Variants in EDNRA observed in about 807,000 individuals in gnomAD.
EDNRA encodes the protein endothelin-1 receptor.
In EDNRA, 11 loss-of-function variants were observed where a neutral mutation model predicts 41.4. That is an observed-to-expected ratio of 0.27 (90% CI 0.17 to 0.44). EDNRA has a LOEUF of 0.44. EDNRA is among the 20% of genes least tolerant of loss of function. The pLI is 1.00. For synonymous variants in EDNRA, 172 were observed against 183.0 expected (o/e 0.94, Z 0.49); for missense variants, 294 against 531.0 (o/e 0.55, Z 4.39).
intron 2 of EDNRA, among the ~76,000 whole-genome samples, chr4:147,497,183 G>A (rs1282221177): frequency 2.1e-5 from 2 of 94,628 alleles, no homozygotes; most frequent in African/African-American, 8.8e-5. Context: ...TTTGTTTAGA[G>A]ATGGGGTCTT....
chr4:147,518,014 T>G (rs1327041621), intron 2 of EDNRA, among the ~76,000 whole-genome samples: 1 of 152,202 alleles, frequency 6.6e-6, no homozygotes, highest in African/African-American at 2.4e-5. Flanking sequence ...AATCCATTCA[T>G]GTGGATTATC....
intron 2 of EDNRA, among the ~76,000 whole-genome samples, chr4:147,517,860 C>G (rs374316088): frequency 6.6e-6 from 1 of 152,170 alleles, no homozygotes; most frequent in African/African-American, 2.4e-5. Context: ...TTGGAAGAAT[C>G]TGAGAGAATC....
At chr4:147,483,787 A>G (rs1728853539) in intron 1 of EDNRA, among the ~76,000 whole-genome samples, 1 of 150,926 alleles carries the variant, frequency 6.6e-6, no homozygotes, top group Non-Finnish European at 1.5e-5. Flanking sequence ...TGACTCGATC[A>G]TAGCTCCCTG....
At chr4:147,538,147 A>C (rs1266320366) in intron 5 of EDNRA, among the ~76,000 whole-genome samples, 1 of 152,156 alleles carries the variant, frequency 6.6e-6, no homozygotes, top group Admixed American at 6.5e-5. Flanking sequence ...TGGTCAAGCC[A>C]AGTTAGAGGC....
intron 1 of EDNRA, among the ~76,000 whole-genome samples, chr4:147,481,864 G>T (rs896707146): frequency 1.3e-5 from 2 of 152,222 alleles, no homozygotes; most frequent in African/African-American, 4.8e-5. Flanking sequence ...GGACTGAGGT[G>T]TTTGGGGAAA....
intron 3 of EDNRA, among the ~76,000 whole-genome samples, chr4:147,521,528 T>G (rs1238415263): frequency 6.6e-6 from 1 of 152,190 alleles, no homozygotes. Flanking sequence ...TAAACACTTA[T>G]GATGTGGATT....
intron 3 of EDNRA, among the ~76,000 whole-genome samples, chr4:147,525,835 G>A (rs1389066889): frequency 1.3e-5 from 2 of 152,330 alleles, no homozygotes; most frequent in African/African-American, 4.8e-5. Context: ...ATCCATTAAT[G>A]AGGCAGCTTT....
chr4:147,505,326 C>CTTTTTTTTTTT lies in EDNRA; in HGVS notation c.421-14525_421-14524insTTTTTTTTTTT, dbSNP rs1729660192. Among the ~76,000 whole-genome samples the CTTTTTTTTTTT allele has an allele frequency of 1.3e-4, 11 of 82,026 alleles. 2 individuals carry two copies. Among genetic ancestry groups the CTTTTTTTTTTT allele is most frequent in the African/African-American group, 6.0e-4 (11 of 18,404 alleles). The allele number at this position is 82,026 out of a possible 152,430, so 53.8% of individuals were successfully genotyped here. ...AAGAGAGTTTGGCAGTTTCTTTTTT[C>CTTTTTTTTTTT]ATTTTTTTTTTTTTTTTTTTTTTTT... On this transcript the variant is annotated intron_variant, in intron 2 of 7. Transcript: ENST00000651419.
rs143693350 is a variant in EDNRA, at chr4:147,519,466, A to C, written c.421-385A>C. On this transcript the variant is annotated intron_variant, in intron 2 of 7. Coordinates refer to ENST00000651419, the MANE Select transcript of EDNRA (RefSeq NM_001957.4). This position sits in a 1 kb window ranked among gnomAD's most constrained non-coding sequence, Gnocchi z 4.1. ...AAACTTTTACTACTGTTTGAAAAGT[A>C]GGCAGCGTGACTAGTTGATGTGAGA... Among the ~76,000 whole-genome samples the C allele has an allele frequency of 6.6e-4, 100 of 151,982 alleles. No homozygotes were observed. Among genetic ancestry groups the C allele is most frequent in the Non-Finnish European group, 1.1e-3 (76 of 67,948 alleles).
chr4:147,483,226 G>C (rs1014517944), intron 1 of EDNRA, among the ~76,000 whole-genome samples: 1 of 152,168 alleles, frequency 6.6e-6, no homozygotes, highest in Non-Finnish European at 1.5e-5. Context: ...AGTCTAGTCA[G>C]AGCTGACAAA....
intron 1 of EDNRA, among the ~76,000 whole-genome samples, chr4:147,481,581 G>A: frequency 6.6e-6 from 1 of 152,242 alleles, no homozygotes; most frequent in East Asian, 1.9e-4. Flanking sequence ...TTCCGTGAGG[G>A]GTGCGCTGCG....
Position 147,544,024 on chromosome 4 carries a change from T to C in EDNRA, c.*1406T>C, listed in dbSNP as rs1422769208. ...TATATAAACAATTGTAAATTTCTTT[T>C]AGCCCATTTTTCTAGACTGTCTCTG... On this transcript the variant is annotated 3_prime_UTR_variant, in exon 8 of 8. Coordinates refer to ENST00000651419, the MANE Select transcript of EDNRA (RefSeq NM_001957.4). 2.6e-5 allele frequency: 4 copies of C among 152,610 alleles called. No homozygotes were observed. Among genetic ancestry groups the C allele is most frequent in the Non-Finnish European group, 5.9e-5 (4 of 68,032 alleles). The allele number at this position is 152,610 out of a possible 1,614,324, so 9.5% of individuals were successfully genotyped here.
intron 4 of EDNRA, among the ~76,000 whole-genome samples, chr4:147,535,233 A>AACTGGGC (rs1730878775): frequency 6.6e-6 from 1 of 152,216 alleles, no homozygotes; most frequent in Non-Finnish European, 1.5e-5. Flanking sequence ...CCAGTTAGAT[A>AACTGGGC]ATACCAGATA....
intron 3 of EDNRA, among the ~76,000 whole-genome samples, chr4:147,530,717 G>A (rs1231855212): frequency 2.6e-5 from 4 of 152,102 alleles, no homozygotes; most frequent in Non-Finnish European, 5.9e-5. Flanking sequence ...TTTCACAGAT[G>A]TACTGTGTAA....
intron 4 of EDNRA, among the ~76,000 whole-genome samples, chr4:147,533,043 A>G (rs1487165810): frequency 6.6e-6 from 1 of 151,636 alleles, no homozygotes; most frequent in Admixed American, 6.6e-5. Context: ...ATATATACAT[A>G]TGCTATTTGT....
In EDNRA at chr4:147,539,930, G is replaced by T. The variant is rs772182861; in HGVS notation, c.1014G>T (p.Lys338Asn). Residue 338 changes from lysine to asparagine, a missense_variant, in exon 6 of 8, where the codon AAG becomes AAT. Transcript: ENST00000651419. ...LKKTVYNEMD[K>N]NRCELLSFLL... ...AAACTGTGTATAACGAGATGGACAA[G>T]AACCGATGTGAATTACTTAGGTATG... 6.2e-7 allele frequency: 1 copy of T among 1,608,504 alleles called. No individual in the cohort carries two copies. The highest frequency in any genetic ancestry group is 1.1e-5 in the South Asian group (1 of 89,570).
intron 3 of EDNRA, among the ~76,000 whole-genome samples, chr4:147,531,109 T>A (rs1160502817): frequency 6.6e-6 from 1 of 152,218 alleles, no homozygotes; most frequent in Non-Finnish European, 1.5e-5. Flanking sequence ...CATTTAAATG[T>A]GATTATTATC....
chr4:147,508,100 T>C (rs1037270923), intron 2 of EDNRA, among the ~76,000 whole-genome samples: 5 of 152,200 alleles, frequency 3.3e-5, no homozygotes, highest in African/African-American at 1.2e-4. Flanking sequence ...GTTTTTATTT[T>C]CTTCATGTCT....
chr4:147,542,719 T>C lies in EDNRA; in HGVS notation c.*101T>C, dbSNP rs199735605. The stretch of plus-strand genomic sequence containing the variant: ...GAATCTCTTCTCTGATCCTTCTTCC[T>C]TAATTCACTCCCACACCCAAGAAGA... On this transcript the variant is annotated 3_prime_UTR_variant, in exon 8 of 8. Coordinates refer to ENST00000651419, the MANE Select transcript of EDNRA (RefSeq NM_001957.4). 18 of 1,454,500 alleles carry C rather than the reference T, an allele frequency of 1.2e-5. No homozygotes were observed. Among genetic ancestry groups the C allele is most frequent in the Non-Finnish European group, 1.6e-5 (17 of 1,082,394 alleles). 90.1% of individuals were successfully genotyped at this position (1,454,500 alleles called of 1,614,324 possible). A position where few individuals can be genotyped will look rare whatever the true frequency, so the allele number is the denominator to read the frequency against.
Sources: allele counts gnomAD v4.1 joint callset (sites outside exome capture counted in the v4.1 genomes callset), GRCh38; gene constraint gnomAD v4.1.1; non-coding constraint Gnocchi (gnomAD v3.1); transcripts MANE v1.5; gene names NCBI Gene and HGNC (gene_info 2026-07-23, HGNC 2026-07-21).